NBEA: variants seen among roughly 807,000 people sequenced by gnomAD.
The protein encoded by NBEA is lysosomal-trafficking regulator 2.
A neutral mutation model predicts 343.4 loss-of-function variants in NBEA; 44 were observed. The observed-to-expected ratio is 0.13, with a 90% CI of 0.10 to 0.16. NBEA has a LOEUF of 0.16. Ranked by LOEUF, NBEA falls within the 10% of genes least tolerant of loss-of-function variation. The pLI is 1.00. For synonymous variants in NBEA, 1,175 were observed against 1,238.7 expected (o/e 0.95, Z 1.08); for missense variants, 2,555 against 3,631.3 (o/e 0.70, Z 7.62).
rs137924694 is a variant in NBEA, at chr13:35,159,979, G to A, written c.3808G>A (p.Gly1270Ser). The change falls in exon 22 of 59, where the codon GGC becomes AGC. Residue 1270 changes from glycine to serine, a missense_variant. Physicochemically the swap from Gly to Ser is moderately conservative, Grantham distance 56 (BLOSUM62 0). Transcript: ENST00000379939. ...TTCAGATACTGAAAGGTCTGACGAT[G>A]GCAAAGAATCAGGAAAAGAAATCCG... ...IISDTERSDD[G>S]KESGKEIRKI... 40 of 1,593,942 alleles carry A rather than the reference G, an allele frequency of 2.5e-5. No individual in the cohort carries two copies. In the African/African-American group the frequency reaches 3.9e-4, roughly 16 times the overall value.
intron 36 of NBEA, among the ~76,000 whole-genome samples, chr13:35,321,849 G>C (rs943575125): frequency 6.6e-6 from 1 of 152,158 alleles, no homozygotes; most frequent in African/African-American, 2.4e-5. Context: ...GCTGAGCTGC[G>C]GAGGGCTCCG....
At chr13:35,596,095 C>T (rs74242326) in intron 47 of NBEA, among the ~76,000 whole-genome samples, 18 of 151,120 alleles carry the variant, frequency 1.2e-4, no homozygotes, top group East Asian at 3.9e-4. Context: ...TGTGCGTGTG[C>T]GTGTGTGTGC....
intron 41 of NBEA, among the ~76,000 whole-genome samples, chr13:35,488,799 A>C (rs2152972090): frequency 6.6e-6 from 1 of 151,994 alleles, no homozygotes; most frequent in African/African-American, 2.4e-5. Flanking sequence ...CAGTGCCTAG[A>C]ACTGAATATT....
rs2069425159 is a variant in NBEA, at chr13:35,159,747, T to C, written c.3576T>C (p.Gly1192=). Residue 1192 remains glycine (G), a synonymous_variant, in exon 22 of 59, where the codon GGT becomes GGC. Coordinates refer to ENST00000379939, the MANE Select transcript of NBEA (RefSeq NM_001385012.1). The part of the protein sequence containing the change: ...DDLGLLAHMT[G]SVDLTCTSSI... ...TTGGATTGCTTGCTCACATGACCGGTAGCGTAGACTTAACTTGTACATCCA... is the reference window on the plus strand; with the variant it reads ...TTGGATTGCTTGCTCACATGACCGGCAGCGTAGACTTAACTTGTACATCCA... 2 of 1,613,190 alleles carry C rather than the reference T, an allele frequency of 1.2e-6. No homozygotes were observed. The highest frequency in any genetic ancestry group is 1.3e-5 in the African/African-American group (1 of 74,870).
intron 41 of NBEA, among the ~76,000 whole-genome samples, chr13:35,543,418 A>G (rs1371747619): frequency 1.3e-5 from 2 of 152,164 alleles, no homozygotes; most frequent in Non-Finnish European, 2.9e-5. Flanking sequence ...TCACATAAGG[A>G]TCTATTGTCA....
intron 1 of NBEA, among the ~76,000 whole-genome samples, chr13:35,039,872 T>C (rs1051938484): frequency 2.0e-5 from 3 of 152,184 alleles, no homozygotes; most frequent in African/African-American, 7.2e-5. Context: ...CCTTCATGCT[T>C]TATATAACTT....
chr13:35,132,849 C>A (rs1271316845), intron 17 of NBEA, among the ~76,000 whole-genome samples: 1 of 151,962 alleles, frequency 6.6e-6, no homozygotes, highest in Non-Finnish European at 1.5e-5. Context: ...TGTTCATTTG[C>A]AAAATGTGTG....
At chr13:35,318,878 G>A (rs538598616) in intron 36 of NBEA, among the ~76,000 whole-genome samples, 1 of 152,238 alleles carries the variant, frequency 6.6e-6, no homozygotes, top group Admixed American at 6.5e-5. Flanking sequence ...AGATTTTCTA[G>A]TTTATTTGCA....
chr13:35,090,019 T>C (rs1473259645), intron 10 of NBEA, among the ~76,000 whole-genome samples: 1 of 151,150 alleles, frequency 6.6e-6, no homozygotes, highest in Non-Finnish European at 1.5e-5. Context: ...ATGTAACTAA[T>C]GTGCATAATG....
rs528020586 is a variant in NBEA at position 35,570,869 on chromosome 13, C to T, written c.7035+3852C>T. Reference sequence around the variant, plus strand: ...ATAATAATATAATTGGAAGGAAAAACTACTATAGTGCAATATTATCACAAT... The same window carrying T: ...ATAATAATATAATTGGAAGGAAAAATTACTATAGTGCAATATTATCACAAT... On this transcript the variant is annotated intron_variant, in intron 45 of 58. Coordinates refer to ENST00000379939, the MANE Select transcript of NBEA (RefSeq NM_001385012.1). 2.3e-4 allele frequency among the ~76,000 whole-genome samples: 35 copies of T among 152,128 alleles called. No homozygotes were observed. In the South Asian group the frequency reaches 7.3e-3, roughly 32 times the overall value.
At chr13:35,429,593 C>T (rs990178422) in intron 38 of NBEA, among the ~76,000 whole-genome samples, 13 of 152,038 alleles carry the variant, frequency 8.6e-5, no homozygotes, top group African/African-American at 3.1e-4. Context: ...GCCAGTCTGC[C>T]TTTTCTCACC....
At chr13:35,011,459 T>G (rs1415493695) in intron 1 of NBEA, among the ~76,000 whole-genome samples, 1 of 152,226 alleles carries the variant, frequency 6.6e-6, no homozygotes, top group Non-Finnish European at 1.5e-5. Context: ...TTGCTATTAC[T>G]TGCTGTGACT....
chr13:35,432,465 C>CA, intron 39 of NBEA, 72 bp downstream of exon 39: 7 of 1,342,448 alleles, frequency 5.2e-6, no homozygotes, highest in Non-Finnish European at 5.9e-6. Context: ...AGAATTCCTT[C>CA]TTTTTTTTTC....
chr13:35,585,804 A>G (rs2081267444), intron 46 of NBEA, among the ~76,000 whole-genome samples: 1 of 152,116 alleles, frequency 6.6e-6, no homozygotes, highest in Non-Finnish European at 1.5e-5. Flanking sequence ...GCTTTTTCCT[A>G]GATATTTTCT....
At chr13:35,114,590 T>A (rs1191601463) in intron 13 of NBEA, among the ~76,000 whole-genome samples, 1 of 152,096 alleles carries the variant, frequency 6.6e-6, no homozygotes, top group African/African-American at 2.4e-5. Flanking sequence ...CAGACTCACT[T>A]GGCTCTGGCT....
At chr13:35,391,640 T>C (rs1346972654) in intron 38 of NBEA, among the ~76,000 whole-genome samples, 3 of 152,000 alleles carry the variant, frequency 2.0e-5, no homozygotes, top group African/African-American at 7.2e-5. Context: ...ATAATCATTG[T>C]AGATGCATGA....
chr13:35,599,951 A>G (rs1424682648), intron 47 of NBEA, among the ~76,000 whole-genome samples: 1 of 152,232 alleles, frequency 6.6e-6, no homozygotes, highest in Non-Finnish European at 1.5e-5. Flanking sequence ...ATGTTAGTCC[A>G]TATATATGTC....
intron 39 of NBEA, among the ~76,000 whole-genome samples, chr13:35,445,826 AT>A (rs2152940768): frequency 7.5e-6 from 1 of 132,954 alleles, no homozygotes; most frequent in South Asian, 2.4e-4. Context: ...ATGTATATAT[AT>A]ATATTATATT....
rs1362979144 is a variant in NBEA at position 34,980,183 on chromosome 13, C to G, written c.294+37069C>G. On this transcript the variant is annotated intron_variant, in intron 1 of 58. Coordinates refer to ENST00000379939, the MANE Select transcript of NBEA (RefSeq NM_001385012.1). The stretch of plus-strand genomic sequence containing the variant: ...TTTTGCCCTAGGATTGCCTTAGAGT[C>G]TAGCTGTTTTTTTTGTTGTTGTTGT... Among the ~76,000 whole-genome samples, 3 of 151,720 alleles carry G rather than the reference C, an allele frequency of 2.0e-5. No individual in the cohort carries two copies. The East Asian group carries it at 5.8e-4, about 29-fold the overall frequency.
Sources: gnomAD v4.1 joint callset for allele counts (sites outside exome capture counted in the v4.1 genomes callset) on GRCh38, gnomAD v4.1.1 for gene constraint, MANE v1.5 for transcripts, NCBI Gene and HGNC (gene_info 2026-07-23, HGNC 2026-07-21) for gene names.